Variants in RBM27 observed in about 807,000 individuals in gnomAD.
The protein encoded by RBM27 is RNA binding motif protein 27, also known as RNA-binding protein 27.
In RBM27, 22 loss-of-function variants were observed where a neutral mutation model predicts 135.3. The observed-to-expected ratio is 0.16, with a 90% CI of 0.12 to 0.23. RBM27 has a LOEUF of 0.23. RBM27 is among the 10% of genes least tolerant of loss of function. The pLI, the probability that RBM27 is intolerant of heterozygous loss-of-function variation, is 1.00. For missense variants in RBM27, 1,009 were observed against 1,281.0 expected (o/e 0.79, Z 3.24); for synonymous variants, 481 against 442.4 (o/e 1.09, Z -1.10).
chr5:146,258,723 C>A, intron 11 of RBM27, 130 bp downstream of exon 11: 1 of 737,906 alleles, frequency 1.4e-6, no homozygotes, highest in Non-Finnish European at 1.9e-6. Context: ...TTCCAGGAGA[C>A]ATCTTTAGAA....
intron 14 of RBM27, among the ~76,000 whole-genome samples, chr5:146,265,070 C>G (rs776332880): frequency 1.2e-4 from 19 of 152,196 alleles, no homozygotes; most frequent in Middle Eastern, 3.4e-3. Flanking sequence ...ATATGCATTA[C>G]TAAACTAGTT....
chr5:146,235,719 C>T (rs1347002950), intron 7 of RBM27, among the ~76,000 whole-genome samples: 3 of 151,386 alleles, frequency 2.0e-5, no homozygotes, highest in Non-Finnish European at 4.4e-5. Context: ...TCACTCTGTG[C>T]CCTAGGCTGG....
At chr5:146,285,246 C>T (rs1190609519) in intron 20 of RBM27, among the ~76,000 whole-genome samples, 2 of 152,032 alleles carry the variant, frequency 1.3e-5, no homozygotes, top group East Asian at 3.9e-4. Context: ...TGCTTTTTTA[C>T]TCCTGTTGTT....
Position 146,203,632 on chromosome 5 carries a change from G to C in RBM27, c.-134G>C. 1.3e-6 allele frequency: 1 copy of C among 763,072 alleles called. No homozygotes were observed. The highest frequency in any genetic ancestry group is 1.7e-5 in the South Asian group (1 of 60,236). The allele number at this position is 763,072 out of a possible 1,614,324, so 47.3% of individuals were successfully genotyped here. A position where few individuals can be genotyped will look rare whatever the true frequency, so the allele number is the denominator to read the frequency against. ...TTCCTGTTAGGCCCCGGCCGGGGGA[G>C]TAGGTTGAAGTCTCCTAAGATGCCC... On this transcript the variant is annotated 5_prime_UTR_variant, in exon 1 of 21. Transcript: ENST00000265271.
intron 15 of RBM27, among the ~76,000 whole-genome samples, chr5:146,268,249 T>C (rs1256290580): frequency 6.6e-6 from 1 of 151,522 alleles, no homozygotes; most frequent in African/African-American, 2.4e-5. Context: ...TTATTTCTTT[T>C]TTTTTTTTTT....
intron 19 of RBM27, among the ~76,000 whole-genome samples, chr5:146,275,867 C>T (rs191986352): frequency 4.3e-4 from 65 of 152,274 alleles, no homozygotes; most frequent in Non-Finnish European, 6.9e-4. Flanking sequence ...GCTCATTTAA[C>T]TGTAAGAATT....
chr5:146,248,262 A>G lies in RBM27; in HGVS notation c.1280-3449A>G, dbSNP rs1241440531. ...TTTTTTTTTTTTTTTAATTTTTGAC[A>G]TGCCAGTTTTTGATAACTCTCTTGC... On this transcript the variant is annotated intron_variant, in intron 8 of 20. Coordinates refer to ENST00000265271, the MANE Select transcript of RBM27 (RefSeq NM_018989.2). Among the ~76,000 whole-genome samples, 3 of 141,356 alleles carry G rather than the reference A, an allele frequency of 2.1e-5. No individual in the cohort carries two copies. In the Admixed American group the frequency reaches 2.2e-4, roughly 10 times the overall value. The allele number at this position is 141,356 out of a possible 152,430, so 92.7% of individuals were successfully genotyped here.
Position 146,233,574 on chromosome 5 carries a change from T to C in RBM27, c.975T>C (p.Pro325=). The change falls in exon 7 of 21, where the codon CCT becomes CCC. Residue 325 remains proline (P), a synonymous_variant. Coordinates refer to ENST00000265271, the MANE Select transcript of RBM27 (RefSeq NM_018989.2). Reference sequence around the variant, plus strand: ...CACCCCCTCCTCCTGGGCTTCCTCCTCCACCACCTCCTGGAATGTTAATGC... The same window carrying C: ...CACCCCCTCCTCCTGGGCTTCCTCCCCCACCACCTCCTGGAATGTTAATGC... ...PFPPPPPGLP[P]PPPPGMLMPP... 1 of 1,610,578 alleles carries C rather than the reference T, an allele frequency of 6.2e-7. No individual in the cohort carries two copies. Among genetic ancestry groups the C allele is most frequent in the Non-Finnish European group, 8.5e-7 (1 of 1,177,626 alleles).
intron 3 of RBM27, among the ~76,000 whole-genome samples, chr5:146,228,356 A>G (rs1756770923): frequency 7.2e-6 from 1 of 138,766 alleles, no homozygotes; most frequent in Admixed American, 8.2e-5. Context: ...ATCTCGGCTC[A>G]CTGCAACCTC....
At chr5:146,244,836 C>T (rs1015576036) in intron 8 of RBM27, among the ~76,000 whole-genome samples, 1 of 152,102 alleles carries the variant, frequency 6.6e-6, no homozygotes. Context: ...GCCACCATGC[C>T]CAGCTTACCC....
intron 19 of RBM27, among the ~76,000 whole-genome samples, chr5:146,280,129 G>A (rs1336771756): frequency 6.6e-6 from 1 of 151,526 alleles, no homozygotes; most frequent in African/African-American, 2.4e-5. Context: ...TACGATCTCA[G>A]CTCACTGCAA....
chr5:146,275,412 A>T (rs1759054034), intron 19 of RBM27, among the ~76,000 whole-genome samples: 1 of 151,956 alleles, frequency 6.6e-6, no homozygotes, highest in South Asian at 2.1e-4. Flanking sequence ...TTGGGATTAC[A>T]GGCGTACACC....
intron 8 of RBM27, among the ~76,000 whole-genome samples, chr5:146,243,347 A>G (rs1181757951): frequency 6.6e-6 from 1 of 152,248 alleles, no homozygotes; most frequent in Admixed American, 6.5e-5. Flanking sequence ...AATCCTTCAC[A>G]TTGTTCAAGT....
chr5:146,205,701 A>G (rs1755611445), intron 1 of RBM27, among the ~76,000 whole-genome samples: 1 of 152,160 alleles, frequency 6.6e-6, no homozygotes, highest in African/African-American at 2.4e-5. Flanking sequence ...AAGGTTGAAA[A>G]AAGAAAAATA....
intron 1 of RBM27, among the ~76,000 whole-genome samples, chr5:146,214,505 A>C (rs1360791382): frequency 6.6e-6 from 1 of 152,158 alleles, no homozygotes; most frequent in Non-Finnish European, 1.5e-5. Context: ...GATTTTTGTG[A>C]CATACTTCTG....
intron 1 of RBM27, among the ~76,000 whole-genome samples, chr5:146,215,922 T>C (rs1278770765): frequency 6.6e-6 from 1 of 152,154 alleles, no homozygotes; most frequent in African/African-American, 2.4e-5. Flanking sequence ...GGCTAATTTT[T>C]GTATTTTTAG....
chr5:146,281,651 T>TTGGA (rs1460483390), intron 19 of RBM27, among the ~76,000 whole-genome samples: 1 of 152,210 alleles, frequency 6.6e-6, no homozygotes, highest in African/African-American at 2.4e-5. Flanking sequence ...GGGCCACAGG[T>TTGGA]TGGACAAGGT....
intron 7 of RBM27, among the ~76,000 whole-genome samples, chr5:146,235,557 A>G (rs1757121408): frequency 6.6e-6 from 1 of 152,208 alleles, no homozygotes; most frequent in South Asian, 2.1e-4. Flanking sequence ...CTTTGTCTCA[A>G]AAAAATTAAA....
rs1213457558 is a variant in RBM27, at chr5:146,286,119, AAAT to A, written c.*90_*92del. 1 of 1,232,818 alleles carries A rather than the reference AAAT, an allele frequency of 8.1e-7. No homozygotes were observed. The highest frequency in any genetic ancestry group is 1.1e-6 in the Non-Finnish European group (1 of 883,442). 76.4% of individuals were successfully genotyped at this position (1,232,818 alleles called of 1,614,324 possible). ...TTAAAAGAAGTCAATGAGCCAAAAA[AAAT>A]TTTTTTATTTTTCTTTTCAACACAG... is the stretch of plus-strand genomic sequence containing the variant. On this transcript the variant is annotated 3_prime_UTR_variant, in exon 21 of 21. Coordinates refer to ENST00000265271, the MANE Select transcript of RBM27 (RefSeq NM_018989.2).
Sources: allele counts gnomAD v4.1 joint callset (sites outside exome capture counted in the v4.1 genomes callset), GRCh38; gene constraint gnomAD v4.1.1; transcripts MANE v1.5; gene names NCBI Gene and HGNC (gene_info 2026-07-23, HGNC 2026-07-21).